PPP2R2C: variants seen among roughly 807,000 people sequenced by gnomAD.
PPP2R2C encodes the protein protein phosphatase 2 regulatory subunit Bgamma, also known as protein phosphatase 2, regulatory subunit B, gamma.
PPP2R2C carries 10 observed loss-of-function variants against 45.3 expected under a neutral mutation model. The ratio of observed to expected loss-of-function variants is 0.22; its 90% CI spans 0.14 to 0.37. PPP2R2C has a LOEUF of 0.37. Among genes scored for constraint, PPP2R2C ranks in the 10% least tolerant of loss-of-function variants. PPP2R2C has a pLI of 1.00. For missense variants in PPP2R2C, 308 were observed against 619.7 expected, an observed-to-expected ratio of 0.50 and a Z score of 5.34; for synonymous variants, 257 against 245.4, an observed-to-expected ratio of 1.05 and a Z score of -0.44.
chr4:6,365,915 T>A (rs2109278078), intron 5 of PPP2R2C, among the ~76,000 whole-genome samples: 1 of 152,304 alleles, frequency 6.6e-6, no homozygotes, highest in South Asian at 2.1e-4. Context: ...AGACCTCCTG[T>A]GCAATTTGTT....
At chr4:6,379,882 G>A (rs964115700) in intron 2 of PPP2R2C, among the ~76,000 whole-genome samples, 4 of 152,092 alleles carry the variant, frequency 2.6e-5, no homozygotes, top group South Asian at 2.1e-4. Flanking sequence ...TCCTCAGTTC[G>A]TGGGCCATGC....
rs180994535 is a variant in PPP2R2C at position 6,491,488 on chromosome 4, G to C, written c.49+43783C>G. ...AACCCACAAGGCCTTGAGAACCAAAGAAGTGATGATTGGTTCAAACAGGAG... is the reference window on the plus strand; with the variant it reads ...AACCCACAAGGCCTTGAGAACCAAACAAGTGATGATTGGTTCAAACAGGAG... On this transcript the variant is annotated intron_variant, in intron 2 of 9. Transcript: ENST00000506140. 3.6e-3 allele frequency among the ~76,000 whole-genome samples: 543 copies of C among 152,328 alleles called. 35 individuals carry two copies. Among genetic ancestry groups the C allele is most frequent in the Admixed American group, 0.035 (538 of 15,310 alleles).
chr4:6,487,395 T>G (rs905154159), intron 2 of PPP2R2C, among the ~76,000 whole-genome samples: 1 of 151,982 alleles, frequency 6.6e-6, no homozygotes, highest in African/African-American at 2.4e-5. Context: ...ACTACAGGCC[T>G]GCTAGTTATG....
At chr4:6,372,867 G>A (rs768019421) in intron 4 of PPP2R2C, among the ~76,000 whole-genome samples, 167 bp from the exon 5 acceptor site, 14 of 152,178 alleles carry the variant, frequency 9.2e-5, no homozygotes, top group African/African-American at 1.2e-4. Flanking sequence ...AATGCCCGCC[G>A]CCCACCAGCC....
rs117715940 is a variant in PPP2R2C, at chr4:6,390,373, T to G, written c.71-9279A>C. On this transcript the variant is annotated intron_variant, in intron 1 of 8. Coordinates refer to ENST00000382599, the MANE Select transcript of PPP2R2C (RefSeq NM_020416.4). ...TCCAGACTGCCCTGTGAAGGACTCC[T>G]GACAGCTGTGAGCAGCTGTAATCAC... 5.9e-5 allele frequency among the ~76,000 whole-genome samples: 9 copies of G among 152,296 alleles called. No homozygotes were observed. The East Asian group carries it at 1.5e-3, about 26-fold the overall frequency.
At chr4:6,360,601 C>T (rs1019370027) in intron 5 of PPP2R2C, among the ~76,000 whole-genome samples, 2 of 152,194 alleles carry the variant, frequency 1.3e-5, no homozygotes, top group South Asian at 2.1e-4. Context: ...TCACCAGGGA[C>T]GCCGGATGCG....
chr4:6,384,526 C>T lies in PPP2R2C; in HGVS notation c.71-3432G>A, dbSNP rs185438227. On this transcript the variant is annotated intron_variant, in intron 1 of 8. Coordinates refer to ENST00000382599, the MANE Select transcript of PPP2R2C (RefSeq NM_020416.4). ...ATTGAGGTACAATCAATATATAAAA[C>T]GCTGCACATACTTAATGTATATAAT... 972 of 975,702 alleles carry T rather than the reference C, an allele frequency of 1.0e-3. 1 individual carries two copies. The highest frequency in any genetic ancestry group is 8.5e-3 in the Middle Eastern group (16 of 1,886). 60.4% of individuals were successfully genotyped at this position (975,702 alleles called of 1,614,324 possible).
chr4:6,375,152 C>T (rs972049462), intron 4 of PPP2R2C, among the ~76,000 whole-genome samples: 1 of 152,162 alleles, frequency 6.6e-6, no homozygotes, highest in African/African-American at 2.4e-5. Flanking sequence ...CACCAGCACC[C>T]TCATTACTCA....
At chr4:6,518,001 C>T (rs1328068974) in intron 2 of PPP2R2C, among the ~76,000 whole-genome samples, 3 of 152,170 alleles carry the variant, frequency 2.0e-5, no homozygotes, top group Admixed American at 1.3e-4. Flanking sequence ...GAAGCAAAAA[C>T]CCCACCTGAC....
At chr4:6,410,495 G>A (rs1021029318) in intron 1 of PPP2R2C, among the ~76,000 whole-genome samples, 1 of 152,136 alleles carries the variant, frequency 6.6e-6, no homozygotes, top group East Asian at 1.9e-4. Flanking sequence ...ATTTCAGTTC[G>A]GATTTAGGTG....
intron 1 of PPP2R2C, among the ~76,000 whole-genome samples, chr4:6,543,281 A>G (rs1724866361): frequency 6.6e-6 from 1 of 152,148 alleles, no homozygotes; most frequent in South Asian, 2.1e-4. Context: ...GCCTTCCCTC[A>G]TCAATCAGGC....
intron 1 of PPP2R2C, among the ~76,000 whole-genome samples, chr4:6,437,705 T>C (rs1719957393): frequency 6.6e-6 from 1 of 152,238 alleles, no homozygotes; most frequent in African/African-American, 2.4e-5. Flanking sequence ...TATGCAGTTA[T>C]TGTCTCTTAA....
chr4:6,340,449 C>T (rs944533983), intron 6 of PPP2R2C, among the ~76,000 whole-genome samples: 1 of 152,298 alleles, frequency 6.6e-6, no homozygotes, highest in South Asian at 2.1e-4. Flanking sequence ...ATTTACTAGT[C>T]CCCTTCCTGT....
chr4:6,425,561 A>G (rs1303695767), intron 1 of PPP2R2C, among the ~76,000 whole-genome samples: 1 of 152,146 alleles, frequency 6.6e-6, no homozygotes, highest in East Asian at 1.9e-4. Flanking sequence ...AGCCTCCCCC[A>G]TGACGTGTGA....
At position 6,336,213 on chromosome 4, in the gene PPP2R2C, C is replaced by T. The variant is rs561946348; in HGVS notation, c.791-2482G>A. On this transcript the variant is annotated intron_variant, in intron 6 of 8. Transcript: ENST00000382599. ...CAGGAGCCCAACCCACCCCTCCACACGCCCCCAGTCCCCAGGCCTGCCTGC... is the reference window on the plus strand; with the variant it reads ...CAGGAGCCCAACCCACCCCTCCACATGCCCCCAGTCCCCAGGCCTGCCTGC... 2.8e-4 allele frequency among the ~76,000 whole-genome samples: 42 copies of T among 152,140 alleles called. No individual in the cohort carries two copies. In the South Asian group the frequency reaches 6.0e-3, roughly 22 times the overall value.
At chr4:6,397,630 G>A (rs1473280299) in intron 1 of PPP2R2C, among the ~76,000 whole-genome samples, 1 of 152,236 alleles carries the variant, frequency 6.6e-6, no homozygotes, top group African/African-American at 2.4e-5. Context: ...AGTGCAGCCT[G>A]CCTAGAGGCT....
At chr4:6,406,202 C>CA (rs1319650073) in intron 1 of PPP2R2C, among the ~76,000 whole-genome samples, 6 of 152,218 alleles carry the variant, frequency 3.9e-5, no homozygotes, top group African/African-American at 1.4e-4. Flanking sequence ...TGATGTGCTT[C>CA]TTCTTCAAAT....
At position 6,356,545 on chromosome 4, in the gene PPP2R2C, G is replaced by A. The variant is rs575324682; in HGVS notation, c.626-8535C>T. ...CCGCTTGCTAGCTATGTGTCTTTGGGCAAGTTTCTGAACCTCTCTGTGCCT... is the reference window on the plus strand; with the variant it reads ...CCGCTTGCTAGCTATGTGTCTTTGGACAAGTTTCTGAACCTCTCTGTGCCT... On this transcript the variant is annotated intron_variant, in intron 5 of 8. Coordinates refer to ENST00000382599, the MANE Select transcript of PPP2R2C (RefSeq NM_020416.4). 1.1e-4 allele frequency among the ~76,000 whole-genome samples: 16 copies of A among 152,326 alleles called. 1 individual carries two copies. Among genetic ancestry groups the A allele is most frequent in the Admixed American group, 5.2e-4 (8 of 15,294 alleles).
At chr4:6,547,558 T>C (rs553940939) in intron 1 of PPP2R2C, among the ~76,000 whole-genome samples, 1 of 152,098 alleles carries the variant, frequency 6.6e-6, no homozygotes, top group South Asian at 2.1e-4. Flanking sequence ...TGAGGCTCAA[T>C]CTAATAAACG....
Sources: allele counts gnomAD v4.1 joint callset (sites outside exome capture counted in the v4.1 genomes callset), GRCh38; gene constraint gnomAD v4.1.1; transcripts MANE v1.5; gene names NCBI Gene and HGNC (gene_info 2026-07-23, HGNC 2026-07-21).